ITPR1: variants seen among roughly 807,000 people sequenced by gnomAD.
ITPR1 encodes inositol 1,4,5-trisphosphate-gated calcium channel ITPR1.
ITPR1 carries 96 observed loss-of-function variants against 318.4 expected under a neutral mutation model. The ratio of observed to expected loss-of-function variants is 0.30; its 90% CI spans 0.26 to 0.36. The LOEUF (loss-of-function observed/expected upper bound fraction) is 0.36. ITPR1 is among the 10% of genes least tolerant of loss of function. The pLI, the probability that ITPR1 is intolerant of heterozygous loss-of-function variation, is 1.00. For synonymous variants in ITPR1, 1,312 were observed against 1,289.9 expected, an observed-to-expected ratio of 1.02 and a Z score of -0.37; for missense variants, 2,440 against 3,460.2, an observed-to-expected ratio of 0.71 and a Z score of 7.40.
chr3:4,526,020 T>C (rs966420954), intron 4 of ITPR1, among the ~76,000 whole-genome samples: 1 of 152,142 alleles, frequency 6.6e-6, no homozygotes, highest in African/African-American at 2.4e-5. Context: ...TAGATAGGCT[T>C]TAGTGTTGAT....
rs188607520 is a variant in ITPR1, at chr3:4,520,255, T to A, written c.93-769T>A. Among the ~76,000 whole-genome samples the A allele has an allele frequency of 2.0e-5, 3 of 152,314 alleles. No individual in the cohort carries two copies. The South Asian group carries it at 6.2e-4, about 32-fold the overall frequency. ...TTCCCTCATCTGTTCAAAAATATAT[T>A]TTTAAGTGGTTCTTCTAAAAGAATT... On this transcript the variant is annotated intron_variant, in intron 3 of 61. Transcript: ENST00000649015.
At chr3:4,707,592 G>T (rs974285782) in intron 37 of ITPR1, among the ~76,000 whole-genome samples, 17 of 152,194 alleles carry the variant, frequency 1.1e-4, no homozygotes, top group African/African-American at 3.9e-4. Flanking sequence ...CTCCAGTTCA[G>T]GGGGAGGGAA....
At chr3:4,731,337 A>G (rs1292731792) in intron 42 of ITPR1, among the ~76,000 whole-genome samples, 1 of 152,236 alleles carries the variant, frequency 6.6e-6, no homozygotes, top group African/African-American at 2.4e-5. Context: ...TCTTGCACCG[A>G]AACTTTCTTC....
intron 52 of ITPR1, among the ~76,000 whole-genome samples, chr3:4,789,401 G>C (rs1575255880): frequency 6.6e-6 from 1 of 152,132 alleles, no homozygotes; most frequent in East Asian, 1.9e-4. Context: ...CATGAACATG[G>C]AAACTTTTGC....
intron 2 of ITPR1, among the ~76,000 whole-genome samples, chr3:4,499,372 C>G (rs755953484): frequency 6.6e-6 from 1 of 152,074 alleles, no homozygotes; most frequent in African/African-American, 2.4e-5. Context: ...ACCTTTTGTA[C>G]ATCTTGAACA....
intron 33 of ITPR1, among the ~76,000 whole-genome samples, chr3:4,696,795 G>A (rs1011973509): frequency 6.7e-6 from 1 of 148,212 alleles, no homozygotes; most frequent in African/African-American, 2.5e-5. Context: ...ATTCTTCATT[G>A]TTACACGCCT....
intron 4 of ITPR1, among the ~76,000 whole-genome samples, chr3:4,607,144 A>C: frequency 6.6e-6 from 1 of 152,208 alleles, no homozygotes. Flanking sequence ...GATTGCTGGC[A>C]GTGACTTGAG....
chr3:4,650,298 A>G (rs2093563272), intron 10 of ITPR1, among the ~76,000 whole-genome samples: 5 of 152,202 alleles, frequency 3.3e-5, no homozygotes, highest in Admixed American at 3.3e-4. Flanking sequence ...AACTGCCAGA[A>G]TGCCTTCCAC....
intron 4 of ITPR1, among the ~76,000 whole-genome samples, chr3:4,617,773 C>T (rs748382647): frequency 2.6e-5 from 4 of 151,324 alleles, no homozygotes; most frequent in Non-Finnish European, 5.9e-5. Flanking sequence ...CGCTTGAGCA[C>T]AGGCATTTAA....
chr3:4,628,963 G>A (rs898890794), intron 5 of ITPR1, among the ~76,000 whole-genome samples: 9 of 152,226 alleles, frequency 5.9e-5, no homozygotes, highest in African/African-American at 1.2e-4. Context: ...TGAGGGTCAC[G>A]TGAAGGGAGT....
intron 4 of ITPR1, among the ~76,000 whole-genome samples, chr3:4,625,642 T>C (rs1009889844): frequency 1.3e-5 from 2 of 151,738 alleles, no homozygotes; most frequent in African/African-American, 2.4e-5. Context: ...CTGCAAGCTC[T>C]GCCTCCCGGG....
chr3:4,702,977 A>G (rs778833793), intron 36 of ITPR1, 27 bp downstream of exon 36: 8 of 1,603,030 alleles, frequency 5.0e-6, no homozygotes, highest in African/African-American at 1.3e-5. Context: ...GTTTGGATAT[A>G]CGTGATGAAA....
chr3:4,712,208 A>C (rs1425399607), intron 39 of ITPR1, among the ~76,000 whole-genome samples: 1 of 152,176 alleles, frequency 6.6e-6, no homozygotes, highest in Non-Finnish European at 1.5e-5. Context: ...TCTGATTTTT[A>C]GGTTTCAGCC....
intron 4 of ITPR1, among the ~76,000 whole-genome samples, chr3:4,581,125 T>G (rs1211889458): frequency 6.6e-6 from 1 of 151,928 alleles, no homozygotes; most frequent in African/African-American, 2.4e-5. Flanking sequence ...TCCAAGTAAT[T>G]CCCCCAAGGA....
chr3:4,744,934 TTCCTTCCTTCCTTCCCTCCCTCCC>T (rs1185157327), intron 44 of ITPR1, among the ~76,000 whole-genome samples: 2 of 52,812 alleles, frequency 3.8e-5, no homozygotes, highest in Non-Finnish European at 3.5e-5. Context: ...CCTTCCTTCC[TTCCTTCCTTCCTTCCCTCCCTCCC>T]TCCTTCCTTC....
Position 4,665,291 on chromosome 3 carries a change from A to G in ITPR1, c.1708A>G (p.Asn570Asp). The G allele has an allele frequency of 6.2e-7, 1 of 1,610,062 alleles. No individual in the cohort carries two copies. The highest frequency in any genetic ancestry group is 8.5e-7 in the Non-Finnish European group (1 of 1,176,756). The change falls in exon 17 of 62, where the codon AAC (asparagine) becomes GAC (aspartate). Residue 570 changes from asparagine to aspartate, a missense_variant. Physicochemically the swap from Asn to Asp is conservative, Grantham distance 23. Around this residue, in one of 23 missense-constraint regions of ITPR1, gnomAD observed 478 missense variants for 696.3 expected, o/e 0.69. Coordinates refer to ENST00000649015, the MANE Select transcript of ITPR1 (RefSeq NM_001378452.1). ...LRHSQQDYRK[N>D]QEYIAKQFGF... The stretch of plus-strand genomic sequence containing the variant: ...ACACTCGCAGCAAGACTACAGGAAG[A>G]ACCAGGTTTGGATTAAGCATTGGTG...
At chr3:4,685,480 C>A (rs749106218) in intron 30 of ITPR1, among the ~76,000 whole-genome samples, 1 of 152,226 alleles carries the variant, frequency 6.6e-6, no homozygotes, top group Non-Finnish European at 1.5e-5. Flanking sequence ...ATAGAGACAA[C>A]TTGGTCTGTG....
intron 44 of ITPR1, among the ~76,000 whole-genome samples, chr3:4,763,042 T>A (rs2125366794): frequency 6.6e-6 from 1 of 152,336 alleles, no homozygotes. Flanking sequence ...TGAGATCGTG[T>A]CCTTTGCAGG....
intron 6 of ITPR1, 87 bp downstream of exon 6, chr3:4,639,557 C>T (rs527916488): frequency 1.5e-5 from 15 of 977,966 alleles, no homozygotes; most frequent in East Asian, 1.0e-4. Flanking sequence ...AGGGTTTGGA[C>T]ACCTTTACAG....
Sources: allele counts gnomAD v4.1 joint callset (sites outside exome capture counted in the v4.1 genomes callset), GRCh38; gene constraint gnomAD v4.1.1; regional missense constraint gnomAD v4.1.1; transcripts MANE v1.5; gene names NCBI Gene and HGNC (gene_info 2026-07-23, HGNC 2026-07-21).